CROCC2: variants seen among roughly 807,000 people sequenced by gnomAD.
CROCC2 encodes ciliary rootlet coiled-coil protein 2.
In CROCC2, 163 loss-of-function variants were observed where a neutral mutation model predicts 177.6. The observed-to-expected ratio is 0.92, with a 90% confidence interval of 0.81 to 1.05. The LOEUF is 1.05. Among genes scored for constraint, CROCC2 ranks in the 50% least tolerant of loss-of-function variants. The probability of loss-of-function intolerance (pLI) is 0.00; values close to 1 mark genes in which losing one functional copy is unlikely to be tolerated. For missense variants in CROCC2, 1,929 were observed against 1,797.8 expected, an observed-to-expected ratio of 1.07 and a Z score of -1.32; for synonymous variants, 904 against 787.3, an observed-to-expected ratio of 1.15 and a Z score of -2.48.
chr2:240,932,672 C>T, intron 8 of CROCC2, 30 bp from the exon 9 acceptor site: 2 of 723,484 alleles, frequency 2.8e-6, no homozygotes, highest in South Asian at 3.0e-5. Context: ...GCTCTGGGCC[C>T]CTCTATCCCT....
At chr2:240,944,370 C>T (rs950656327) in intron 14 of CROCC2, among the ~76,000 whole-genome samples, 3 of 152,198 alleles carry the variant, frequency 2.0e-5, no homozygotes, top group Non-Finnish European at 2.9e-5. Flanking sequence ...AGATTTGGAA[C>T]ATTCTTGGCC....
chr2:240,942,306 C>T (rs1202326047), intron 14 of CROCC2, among the ~76,000 whole-genome samples: 2 of 152,150 alleles, frequency 1.3e-5, no homozygotes, highest in Non-Finnish European at 2.9e-5. Context: ...CACACACACT[C>T]AATCATCTTT....
intron 11 of CROCC2, 116 bp from the exon 12 acceptor site, chr2:240,934,215 T>C (rs557030586): frequency 8.5e-7 from 1 of 1,182,316 alleles, no homozygotes; most frequent in African/African-American, 1.5e-5. Context: ...GACTCCATGC[T>C]CCTCCTGGGC....
In CROCC2 at chr2:240,968,153, T is replaced by A; in HGVS notation, c.4292T>A (p.Leu1431Gln). ...GGCCAGCGCCGGGTGGAGGGCGCGCTGAGCAGCGCCCGGGCAGCACGTGCC... is the reference window on the plus strand; with the variant it reads ...GGCCAGCGCCGGGTGGAGGGCGCGCAGAGCAGCGCCCGGGCAGCACGTGCC... The part of the protein sequence containing the change: ...EEGQRRVEGA[L>Q]SSARAARALQ... The change falls in exon 27 of 32, where the codon CTG (leucine) becomes CAG (glutamine). Residue 1431 changes from leucine to glutamine, a missense_variant. Physicochemically the swap from Leu to Gln is moderately radical, Grantham distance 113. Transcript: ENST00000690015. 6.6e-7 allele frequency: 1 copy of A among 1,511,964 alleles called. No individual in the cohort carries two copies. The highest frequency in any genetic ancestry group is 8.8e-7 in the Non-Finnish European group (1 of 1,133,642). 93.7% of individuals were successfully genotyped at this position (1,511,964 alleles called of 1,614,324 possible).
rs1407233088 is a variant in CROCC2, at chr2:240,918,470, C to G, written c.79-256C>G. Among the ~76,000 whole-genome samples, 1 of 152,330 alleles carries G rather than the reference C, an allele frequency of 6.6e-6. No individual in the cohort carries two copies. Among genetic ancestry groups the G allele is most frequent in the South Asian group, 2.1e-4 (1 of 4,828 alleles). On this transcript the variant is annotated intron_variant, in intron 1 of 31. Transcript: ENST00000690015. The surrounding 1 kb of genome is among the most constrained non-coding windows in gnomAD (Gnocchi z 6.3). ...CACCAAGACAGGGCAGAGCCCCAAGCGCAGTACCTGCTCCTGCTGACCTCG... is the reference window on the plus strand; with the variant it reads ...CACCAAGACAGGGCAGAGCCCCAAGGGCAGTACCTGCTCCTGCTGACCTCG...
At chr2:240,968,561 G>T (rs141156965) in intron 27 of CROCC2, among the ~76,000 whole-genome samples, 8 of 152,186 alleles carry the variant, frequency 5.3e-5, no homozygotes, top group African/African-American at 1.9e-4. Flanking sequence ...GGCCCTGGGG[G>T]CACAGCGAGT....
chr2:240,951,119 C>A, intron 18 of CROCC2, among the ~76,000 whole-genome samples: 1 of 151,986 alleles, frequency 6.6e-6, no homozygotes, highest in East Asian at 1.9e-4. Flanking sequence ...ATCCATCCAT[C>A]CTCCCATCCA....
chr2:240,946,601 C>T (rs1008315903), intron 15 of CROCC2, among the ~76,000 whole-genome samples: 15 of 152,210 alleles, frequency 9.9e-5, no homozygotes, highest in African/African-American at 3.6e-4. Context: ...TCAGGCACTC[C>T]CACAGTGCCC....
chr2:240,988,791 A>G lies in CROCC2; in HGVS notation c.4604A>G (p.Glu1535Gly). ...GAGGATGTGGCGAGGCTGGGGGCTG[A>G]GAAGGAGCAGCTGGACCAGTCTCTG... ...REEDVARLGA[E>G]KEQLDQSLNS... Residue 1535 changes from glutamate (E) to glycine (G), a missense_variant, in exon 29 of 32, where the codon GAG becomes GGG. This residue lies in a region of CROCC2 where 388 missense variants were observed against 352.7 expected (regional missense o/e 1.10). Coordinates refer to ENST00000690015, the MANE Select transcript of CROCC2 (RefSeq NM_001351305.2). 6.6e-7 allele frequency: 1 copy of G among 1,516,860 alleles called. No homozygotes were observed. The highest frequency in any genetic ancestry group is 8.9e-7 in the Non-Finnish European group (1 of 1,126,896). 94.0% of individuals were successfully genotyped at this position (1,516,860 alleles called of 1,614,324 possible).
chr2:240,981,074 C>T lies in CROCC2; in HGVS notation c.4402-1806C>T, dbSNP rs563407544. Among the ~76,000 whole-genome samples, 3 of 127,910 alleles carry T rather than the reference C, an allele frequency of 2.3e-5. 1 individual carries two copies. In the South Asian group the frequency reaches 9.2e-4, roughly 39 times the overall value. The allele number at this position is 127,910 out of a possible 152,430, so 83.9% of individuals were successfully genotyped here. ...TGCTCAGTCTCTGGGTCAGGAGCCT[C>T]AGGATCCCAGGCTCATCCCTGCTCA... On this transcript the variant is annotated intron_variant, in intron 27 of 31. Transcript: ENST00000690015.
At position 240,933,276 on chromosome 2, in the gene CROCC2, G is replaced by C. The variant is rs1408470520; in HGVS notation, c.1397G>C (p.Arg466Pro). 1 of 1,546,664 alleles carries C rather than the reference G, an allele frequency of 6.5e-7. No individual in the cohort carries two copies. Among genetic ancestry groups the C allele is most frequent in the Admixed American group, 2.0e-5 (1 of 50,904 alleles). The part of the protein sequence containing the change: ...REQAREREAL[R>P]GQLEAQRLEV... ...CAGGCACGGGAACGAGAGGCTCTTC[G>C]GGGCCAGCTGGAGGCCCAGAGGCTC... Residue 466 changes from arginine to proline, a missense_variant, in exon 10 of 32, where the codon CGG becomes CCG. Around this residue, in one of 3 missense-constraint regions of CROCC2, gnomAD observed 1,397 missense variants for 1,239.9 expected, o/e 1.13. Transcript: ENST00000690015.
Position 240,958,030 on chromosome 2 carries a change from T to G in CROCC2, c.2944-1271T>G. The G allele has an allele frequency of 2.0e-6, 2 of 985,348 alleles. No individual in the cohort carries two copies. Among genetic ancestry groups the G allele is most frequent in the Non-Finnish European group, 2.4e-6 (2 of 829,894 alleles). The allele number at this position is 985,348 out of a possible 1,614,324, so 61.0% of individuals were successfully genotyped here. On this transcript the variant is annotated intron_variant, in intron 19 of 31. Transcript: ENST00000690015. The surrounding 1 kb of genome is among the most constrained non-coding windows in gnomAD (Gnocchi z 6.7). ...AGCTGGCCCTGAGTCTCCCCCGGACTCGGTACCAGGCCTGCCAGCCAGCCG... is the reference window on the plus strand; with the variant it reads ...AGCTGGCCCTGAGTCTCCCCCGGACGCGGTACCAGGCCTGCCAGCCAGCCG...
intron 1 of CROCC2, among the ~76,000 whole-genome samples, chr2:240,909,712 C>T (rs773352943): frequency 1.3e-5 from 2 of 152,182 alleles, no homozygotes; most frequent in African/African-American, 2.4e-5. Flanking sequence ...CTGGAGGCTA[C>T]GCAGGCCCCA....
intron 17 of CROCC2, 110 bp from the exon 18 acceptor site, chr2:240,950,224 C>T (rs1162570397): frequency 5.3e-6 from 6 of 1,141,656 alleles, no homozygotes; most frequent in Non-Finnish European, 7.4e-6. Context: ...TGGACAGCCC[C>T]TGGGGTCCAT....
At chr2:240,956,717 G>A (rs536624718) in intron 19 of CROCC2, among the ~76,000 whole-genome samples, 5 of 150,152 alleles carry the variant, frequency 3.3e-5, no homozygotes, top group Non-Finnish European at 6.0e-5. Flanking sequence ...CTGGGGAGCA[G>A]GGGAGGAGGA....
chr2:240,939,632 A>T (rs187823952), intron 14 of CROCC2, among the ~76,000 whole-genome samples: 2 of 152,262 alleles, frequency 1.3e-5, no homozygotes, highest in East Asian at 3.9e-4. Flanking sequence ...TCTTTGTGAG[A>T]AAGCATTTGA....
intron 28 of CROCC2, among the ~76,000 whole-genome samples, chr2:240,987,104 GC>G (rs2059845885): frequency 6.6e-6 from 1 of 152,234 alleles, no homozygotes; most frequent in South Asian, 2.1e-4. Context: ...ACTGAAGGGG[GC>G]CCAGCGCCAT....
At position 240,963,663 on chromosome 2, in the gene CROCC2, C is replaced by T; in HGVS notation, c.3195C>T (p.Ala1065=). The change falls in exon 21 of 32, where the codon GCC becomes GCT. Residue 1065 remains alanine, a synonymous_variant. Coordinates refer to ENST00000690015, the MANE Select transcript of CROCC2 (RefSeq NM_001351305.2). ...EESREGLHRE[A]QEARRALSDE... The stretch of plus-strand genomic sequence containing the variant: ...GCCGGGAGGGGCTGCACAGGGAGGC[C>T]CAGGAGGCCCGCCGGGCGCTGAGTG... 6.5e-7 allele frequency: 1 copy of T among 1,549,970 alleles called. No homozygotes were observed. Among genetic ancestry groups the T allele is most frequent in the South Asian group, 1.2e-5 (1 of 84,030 alleles).
Position 240,931,116 on chromosome 2 carries a change from C to A in CROCC2, c.935C>A (p.Ala312Glu), listed in dbSNP as rs780839459. ...GGCCGCTGGGACGCAGAGAAGGTGG[C>A]GCTCCAGGCCAGGTGGGCGCCCAGG... ...LQGRWDAEKVALQARLSEQTL... is the reference protein window; with the variant it reads ...LQGRWDAEKVELQARLSEQTL... Residue 312 changes from alanine (A) to glutamate (E), a missense_variant, in exon 7 of 32, where the codon GCG (alanine) becomes GAG (glutamate). Physicochemically the swap from Ala to Glu is moderately radical, Grantham distance 107. Coordinates refer to ENST00000690015, the MANE Select transcript of CROCC2 (RefSeq NM_001351305.2). 1.3e-5 allele frequency: 9 copies of A among 712,450 alleles called. No homozygotes were observed. In the African/African-American group the frequency reaches 1.6e-4, roughly 12 times the overall value. The allele number at this position is 712,450 out of a possible 1,614,324, so 44.1% of individuals were successfully genotyped here. A position where few individuals can be genotyped will look rare whatever the true frequency, so the allele number is the denominator to read the frequency against.
Sources: gnomAD v4.1 joint callset for allele counts (sites outside exome capture counted in the v4.1 genomes callset) on GRCh38, gnomAD v4.1.1 for gene constraint, gnomAD v4.1.1 regional missense constraint, Gnocchi (gnomAD v3.1) non-coding constraint, MANE v1.5 for transcripts, NCBI Gene and HGNC (gene_info 2026-07-23, HGNC 2026-07-21) for gene names.